GALNT13: variants seen among roughly 807,000 people sequenced by gnomAD.
GALNT13 encodes the protein UDP-GalNAc:polypeptide N-acetylgalactosaminyltransferase 13.
GALNT13 carries 28 observed loss-of-function variants against 64.2 expected under a neutral mutation model. That is an observed-to-expected ratio of 0.44 (90% confidence interval 0.32 to 0.60). The LOEUF (loss-of-function observed/expected upper bound fraction) is 0.60. Ranked by LOEUF, GALNT13 falls within the 20% of genes least tolerant of loss-of-function variation. The probability of loss-of-function intolerance (pLI) is 0.05; values close to 1 mark genes in which losing one functional copy is unlikely to be tolerated. For synonymous variants in GALNT13, 214 were observed against 224.6 expected, an observed-to-expected ratio of 0.95 and a Z score of 0.42; for missense variants, 577 against 669.8, an observed-to-expected ratio of 0.86 and a Z score of 1.53.
chr2:153,279,204 A>C, the GALNT13 span, among the ~76,000 whole-genome samples: 11 of 152,232 alleles, frequency 7.2e-5, no homozygotes, highest in Non-Finnish European at 1.6e-4. Context: ...TTGTACACTG[A>C]TTTTGTATCC....
the GALNT13 span, among the ~76,000 whole-genome samples, chr2:153,352,714 T>A: frequency 2.3e-3 from 350 of 152,244 alleles, 2 homozygotes; most frequent in African/African-American, 8.1e-3. Context: ...GAAAATGCTA[T>A]ATTCTCTTCA....
intron 1 of GALNT13, among the ~76,000 whole-genome samples, chr2:153,898,542 A>G (rs2105286105): frequency 6.6e-6 from 1 of 152,260 alleles, no homozygotes; most frequent in Non-Finnish European, 1.5e-5. Flanking sequence ...TCCAGGAAAT[A>G]GCTCTCTGAA....
chr2:153,794,435 A>C, the GALNT13 span, among the ~76,000 whole-genome samples: 1 of 152,192 alleles, frequency 6.6e-6, no homozygotes, highest in Non-Finnish European at 1.5e-5. Context: ...AGCAACCTGC[A>C]GCTAAACACA....
the GALNT13 span, among the ~76,000 whole-genome samples, chr2:153,171,806 T>C: frequency 3.4e-3 from 518 of 152,320 alleles, 1 homozygote; most frequent in African/African-American, 0.012. Context: ...GTTTCTGTAC[T>C]ATTTAAGCCA....
the GALNT13 span, among the ~76,000 whole-genome samples, chr2:153,206,972 T>C: frequency 6.6e-6 from 1 of 152,108 alleles, no homozygotes; most frequent in Non-Finnish European, 1.5e-5. Flanking sequence ...ATTTGTTTCT[T>C]AAATATTTTA....
the GALNT13 span, among the ~76,000 whole-genome samples, chr2:153,678,379 A>T: frequency 6.6e-6 from 1 of 152,072 alleles, no homozygotes; most frequent in South Asian, 2.1e-4. Context: ...CCTTCTCAGC[A>T]ACATGAATGG....
intron 4 of GALNT13, among the ~76,000 whole-genome samples, chr2:154,173,354 ATTAAT>A (rs1223084362): frequency 1.3e-5 from 2 of 151,466 alleles, no homozygotes; most frequent in African/African-American, 4.8e-5. Flanking sequence ...ATTAAATTTA[ATTAAT>A]TAAATTTAAA....
chr2:153,957,172 G>A (rs1452679180), intron 3 of GALNT13, among the ~76,000 whole-genome samples: 1 of 152,116 alleles, frequency 6.6e-6, no homozygotes, highest in Non-Finnish European at 1.5e-5. Flanking sequence ...ATTAAATAAA[G>A]TTACCTACAC....
chr2:153,579,315 A>G, the GALNT13 span, among the ~76,000 whole-genome samples: 11 of 151,916 alleles, frequency 7.2e-5, no homozygotes, highest in African/African-American at 2.7e-4. Flanking sequence ...AATTTTCATG[A>G]GCTAATATAG....
chr2:154,456,191 T>TG (rs375591621), downstream of GALNT13, among the ~76,000 whole-genome samples: 470 of 146,324 alleles, frequency 3.2e-3, no homozygotes, highest in Non-Finnish European at 4.6e-3. Context: ...TTTGTTTTGT[T>TG]TTGTTGTTGT....
At chr2:154,075,094 G>A (rs1239517146) in intron 3 of GALNT13, among the ~76,000 whole-genome samples, 1 of 151,824 alleles carries the variant, frequency 6.6e-6, no homozygotes, top group African/African-American at 2.4e-5. Flanking sequence ...CAAATAGGAA[G>A]AGAGGAAGAC....
chr2:153,313,009 C>T, the GALNT13 span, among the ~76,000 whole-genome samples: 85 of 152,198 alleles, frequency 5.6e-4, 1 homozygote, highest in East Asian at 8.5e-3. Flanking sequence ...CCACACCAAT[C>T]GGAATGGCTG....
chr2:154,176,622 T>G (rs1685671165), intron 4 of GALNT13, among the ~76,000 whole-genome samples: 1 of 152,094 alleles, frequency 6.6e-6, no homozygotes, highest in African/African-American at 2.4e-5. Flanking sequence ...ACAAGACAGC[T>G]ATTTGGTTTA....
At position 154,215,210 on chromosome 2, in the gene GALNT13, TC is replaced by T. The variant is rs1427251412; in HGVS notation, c.312-26816del. Among the ~76,000 whole-genome samples, 12 of 152,296 alleles carry T rather than the reference TC, an allele frequency of 7.9e-5. No individual in the cohort carries two copies. The East Asian group carries it at 1.4e-3, about 17-fold the overall frequency. ...TTGGAAGTTATATGCGCCAATAATT[TC>T]CCCTTTTATGCCTGAACTAATTTGA... On this transcript the variant is annotated intron_variant, in intron 4 of 12. Coordinates refer to ENST00000392825, the MANE Select transcript of GALNT13 (RefSeq NM_052917.4).
At chr2:154,052,897 C>T (rs545367335) in intron 3 of GALNT13, among the ~76,000 whole-genome samples, 13 of 151,730 alleles carry the variant, frequency 8.6e-5, no homozygotes, top group Non-Finnish European at 1.8e-4. Flanking sequence ...CCACCATGCC[C>T]GGCTAATTTT....
the GALNT13 span, among the ~76,000 whole-genome samples, chr2:153,472,520 A>T: frequency 1.3e-5 from 2 of 152,168 alleles, no homozygotes; most frequent in African/African-American, 2.4e-5. Flanking sequence ...TCTATACATG[A>T]GTGCTTGAGA....
At position 154,116,248 on chromosome 2, in the gene GALNT13, G is replaced by A. The variant is rs114784164; in HGVS notation, c.143-24089G>A. 2.4e-3 allele frequency among the ~76,000 whole-genome samples: 366 copies of A among 152,178 alleles called. 4 individuals carry two copies. Among genetic ancestry groups the A allele is most frequent in the African/African-American group, 8.0e-3 (333 of 41,494 alleles). On this transcript the variant is annotated intron_variant, in intron 3 of 12. Transcript: ENST00000392825. The stretch of plus-strand genomic sequence containing the variant: ...AAGTCAGCGTTCCCAGCTTCATCAG[G>A]GTCCTCCCACACATCCTCATTCCAA...
the GALNT13 span, among the ~76,000 whole-genome samples, chr2:153,682,830 T>C: frequency 5.3e-5 from 8 of 151,796 alleles, no homozygotes; most frequent in Non-Finnish European, 1.2e-4. Context: ...CCACATGGCT[T>C]AAGTATTCTA....
At chr2:153,721,685 A>G in the GALNT13 span, among the ~76,000 whole-genome samples, 1 of 151,850 alleles carries the variant, frequency 6.6e-6, no homozygotes, top group Admixed American at 6.6e-5. Flanking sequence ...AACAGACTTT[A>G]AACCAACAAA....
Sources: gnomAD v4.1 joint callset for allele counts (sites outside exome capture counted in the v4.1 genomes callset) on GRCh38, gnomAD v4.1.1 for gene constraint, MANE v1.5 for transcripts, NCBI Gene and HGNC (gene_info 2026-07-23, HGNC 2026-07-21) for gene names.